Variants in HEPHL1 observed in about 807,000 individuals in gnomAD.
HEPHL1 encodes hephaestin like 1.
A neutral mutation model predicts 122.0 loss-of-function variants in HEPHL1; 123 were observed. That is an observed-to-expected ratio of 1.01 (90% confidence interval 0.87 to 1.17). The LOEUF (loss-of-function observed/expected upper bound fraction) is 1.17, where lower values mean the gene tolerates loss of function less well. Among genes scored for constraint, HEPHL1 ranks in the 50% most tolerant of loss-of-function variants. The pLI, the probability that HEPHL1 is intolerant of heterozygous loss-of-function variation, is 0.00. For missense variants in HEPHL1, 1,452 were observed against 1,430.5 expected, an observed-to-expected ratio of 1.01 and a Z score of -0.24; for synonymous variants, 527 against 508.9, an observed-to-expected ratio of 1.04 and a Z score of -0.48.
chr11:94,039,785 G>T (rs1281164027), intron 1 of HEPHL1, among the ~76,000 whole-genome samples: 1 of 145,132 alleles, frequency 6.9e-6, no homozygotes, highest in Admixed American at 6.8e-5. Flanking sequence ...ATCCAAAATT[G>T]ACACCCTAAC....
chr11:94,046,056 C>CATCT (rs1170357142), intron 2 of HEPHL1, 139 bp downstream of exon 2: 2 of 455,858 alleles, frequency 4.4e-6, no homozygotes, highest in Admixed American at 8.1e-5. Context: ...CATCCATCTC[C>CATCT]ATCTATCTAT....
At position 94,073,419 on chromosome 11, in the gene HEPHL1, A is replaced by T. The variant is rs907028130; in HGVS notation, c.1484A>T (p.Asp495Val). The change falls in exon 8 of 20, where the codon GAT (aspartate) becomes GTT (valine). Residue 495 changes from aspartate to valine, a missense_variant. By Grantham distance (152) the Asp-to-Val change is radical (BLOSUM62 -3). Transcript: ENST00000315765. ...PHGVIYDKASDAAPNLDGFVK... is the reference protein window; with the variant it reads ...PHGVIYDKASVAAPNLDGFVK... Reference sequence around the variant, plus strand: ...GGTGTGATCTATGACAAGGCATCTGATGCAGCCCCAAACCTAGATGGTAAG... The same window carrying T: ...GGTGTGATCTATGACAAGGCATCTGTTGCAGCCCCAAACCTAGATGGTAAG... 8 of 1,555,282 alleles carry T rather than the reference A, an allele frequency of 5.1e-6. No individual in the cohort carries two copies. The African/African-American group carries it at 1.1e-4, about 21-fold the overall frequency.
chr11:94,095,553 G>A (rs1052730189), intron 13 of HEPHL1, among the ~76,000 whole-genome samples: 3 of 152,174 alleles, frequency 2.0e-5, no homozygotes, highest in African/African-American at 7.2e-5. Flanking sequence ...TAGCTTGATG[G>A]GGATGGCATT....
At chr11:94,093,101 TGTGTG>T (rs1339387154) in intron 12 of HEPHL1, among the ~76,000 whole-genome samples, 1 of 13,082 alleles carries the variant, frequency 7.6e-5, no homozygotes, top group East Asian at 1.3e-3. Context: ...TGGACGTGTA[TGTGTG>T]TGTGTGTGTG....
rs762674245 is a variant in HEPHL1, at chr11:94,067,551, ATC to A, written c.866_867del (p.Ser289CysfsTer11). The A allele has an allele frequency of 5.0e-6, 8 of 1,613,656 alleles. No individual in the cohort carries two copies. The highest frequency in any genetic ancestry group is 6.8e-6 in the Non-Finnish European group (8 of 1,179,652). The stretch of plus-strand genomic sequence containing the variant: ...CGGAGCCTGATATGTGTGTTGGAGA[ATC>A]TGTGTCCTGGCACCTATTTGGAATG... ...FPEPDMCVGE[S>X]VSWHLFGMGN... On this transcript the variant is annotated frameshift_variant, in exon 5 of 20. Coordinates refer to ENST00000315765, the MANE Select transcript of HEPHL1 (RefSeq NM_001098672.2). LOFTEE classifies it high-confidence loss of function.
chr11:94,106,933 C>A (rs565781919), intron 17 of HEPHL1, among the ~76,000 whole-genome samples: 2 of 152,320 alleles, frequency 1.3e-5, no homozygotes, highest in African/African-American at 4.8e-5. Flanking sequence ...CCATGTGTGA[C>A]TTTCTACCCT....
At chr11:94,046,091 C>CTTTTTTTTTTTTTTTCTTTTTTT (rs1945834631) in intron 2 of HEPHL1, among the ~76,000 whole-genome samples, 174 bp downstream of exon 2, 1 of 65,048 alleles carries the variant, frequency 1.5e-5, no homozygotes, top group Non-Finnish European at 2.6e-5. Context: ...CCCTTTCTTG[C>CTTTTTTTTTTTTTTTCTTTTTTT]TTTTTTTTTT....
rs904392697 is a variant in HEPHL1 at position 94,113,761 on chromosome 11, A to T, written c.*1867A>T. On this transcript the variant is annotated 3_prime_UTR_variant, in exon 20 of 20. Transcript: ENST00000315765. ...AGTGTCACATAAGGTGGCTATTTGC[A>T]TGGTTATTTTCACTTAAAATTATCT... The T allele has an allele frequency of 2.0e-5, 3 of 152,096 alleles. No individual in the cohort carries two copies. Among genetic ancestry groups the T allele is most frequent in the African/African-American group, 4.8e-5 (2 of 41,404 alleles). The allele number at this position is 152,096 out of a possible 1,614,324, so 9.4% of individuals were successfully genotyped here.
intron 2 of HEPHL1, among the ~76,000 whole-genome samples, chr11:94,047,744 A>C (rs1518559): frequency 6.6e-6 from 1 of 152,110 alleles, no homozygotes; most frequent in South Asian, 2.1e-4. Flanking sequence ...TTTGTCTTCA[A>C]TCCTCCATCT....
chr11:94,111,116 AC>A, intron 18 of HEPHL1, 51 bp downstream of exon 18: 1 of 1,475,878 alleles, frequency 6.8e-7, no homozygotes, highest in African/African-American at 1.4e-5. Context: ...CTTCCTGTAG[AC>A]CCCCAAAACA....
chr11:94,036,178 G>A lies in HEPHL1; in HGVS notation c.171-9495G>A, dbSNP rs142833499. On this transcript the variant is annotated intron_variant, in intron 1 of 19. Transcript: ENST00000315765. ...ATGAGTAGAAACTTTATATATTCTG[G>A]TCCAGGAAATATGTCCACCTCAGAA... 6.0e-3 allele frequency among the ~76,000 whole-genome samples: 912 copies of A among 152,270 alleles called. 15 individuals are homozygous for A. The highest frequency in any genetic ancestry group is 0.021 in the African/African-American group (870 of 41,538).
chr11:94,036,838 CAAAAAA>C (rs71305380), intron 1 of HEPHL1, among the ~76,000 whole-genome samples: 6 of 103,878 alleles, frequency 5.8e-5, no homozygotes, highest in Non-Finnish European at 9.7e-5. Context: ...GACTCCGTCT[CAAAAAA>C]AAAAAAAAAA....
chr11:94,082,523 A>G lies in HEPHL1; in HGVS notation c.1822A>G (p.Ile608Val). 6.2e-7 allele frequency: 1 copy of G among 1,613,482 alleles called. No homozygotes were observed. The highest frequency in any genetic ancestry group is 8.5e-7 in the Non-Finnish European group (1 of 1,179,598). The change falls in exon 10 of 20, where the codon ATT becomes GTT. Residue 608 changes from isoleucine to valine, a missense_variant. By Grantham distance (29) the Ile-to-Val change is conservative (BLOSUM62 3). Transcript: ENST00000315765. ...IQKFIWHPFS[I>V]DKEDKEFVKS... ...GAAGTTTATCTGGCATCCCTTCAGC[A>G]TTGACAAAGAAGATAAAGAGTTTGT...
chr11:94,094,496 C>G lies in HEPHL1; in HGVS notation c.2434+856C>G, dbSNP rs191561769. 8.7e-4 allele frequency among the ~76,000 whole-genome samples: 133 copies of G among 152,184 alleles called. 2 individuals carry two copies. Among genetic ancestry groups the G allele is most frequent in the Non-Finnish European group, 1.6e-4 (11 of 68,004 alleles). ...GTCTTTATAGCAGCATGATTTATAA[C>G]CCTTTGGGTATATATCCAGTAATGG... On this transcript the variant is annotated intron_variant, in intron 13 of 19. Coordinates refer to ENST00000315765, the MANE Select transcript of HEPHL1 (RefSeq NM_001098672.2).
intron 2 of HEPHL1, chr11:94,055,882 C>G: frequency 1.5e-6 from 1 of 684,704 alleles, no homozygotes; most frequent in Non-Finnish European, 2.5e-6. Flanking sequence ...TGCTCAGCAT[C>G]CACATAATAT....
At chr11:94,023,945 A>G (rs1945603325) in intron 1 of HEPHL1, among the ~76,000 whole-genome samples, 1 of 152,230 alleles carries the variant, frequency 6.6e-6, no homozygotes, top group African/African-American at 2.4e-5. Flanking sequence ...GTGGACCACA[A>G]GATATCCATC....
intron 1 of HEPHL1, among the ~76,000 whole-genome samples, chr11:94,039,149 T>A (rs1428433281): frequency 1.0e-5 from 1 of 100,356 alleles, no homozygotes; most frequent in East Asian, 2.9e-4. Context: ...GGTAAAGGGA[T>A]CAATTCAACA....
At chr11:94,046,060 T>C (rs1945833524) in intron 2 of HEPHL1, 143 bp downstream of exon 2, 1 of 528,876 alleles carries the variant, frequency 1.9e-6, no homozygotes, top group South Asian at 2.5e-5. Context: ...CATCTCCATC[T>C]ATCTATTCTG....
rs1265072063 is a variant in HEPHL1, at chr11:94,111,622, C to T, written c.3277+17C>T. On this transcript the variant is annotated intron_variant, in intron 19 of 19. Coordinates refer to ENST00000315765, the MANE Select transcript of HEPHL1 (RefSeq NM_001098672.2). ...CATCTAACGGTAATGATACCCTCTC[C>T]CCATGTAAATGAGTCAACATTTCAC... is the stretch of plus-strand genomic sequence containing the variant. 1 of 1,607,640 alleles carries T rather than the reference C, an allele frequency of 6.2e-7. No individual in the cohort carries two copies.
Sources: gnomAD v4.1 joint callset for allele counts (sites outside exome capture counted in the v4.1 genomes callset) on GRCh38, gnomAD v4.1.1 for gene constraint, MANE v1.5 for transcripts, NCBI Gene and HGNC (gene_info 2026-07-23, HGNC 2026-07-21) for gene names.